The following TNS3 variants were observed in gnomAD, a reference collection of about 807,000 sequenced individuals.
TNS3 encodes tensin 3.
TNS3 carries 45 observed loss-of-function variants against 140.9 expected under a neutral mutation model. That is an observed-to-expected ratio of 0.32 (90% CI 0.25 to 0.41). TNS3 has a LOEUF of 0.41. Among genes scored for constraint, TNS3 ranks in the 10% least tolerant of loss-of-function variants. The pLI, the probability that TNS3 is intolerant of heterozygous loss-of-function variation, is 1.00. For missense variants in TNS3, 1,716 were observed against 1,906.7 expected (o/e 0.90, Z 1.86); for synonymous variants, 815 against 788.4 (o/e 1.03, Z -0.56).
At chr7:47,570,352 G>A (rs866952549) in intron 1 of TNS3, among the ~76,000 whole-genome samples, 14 of 152,306 alleles carry the variant, frequency 9.2e-5, no homozygotes, top group South Asian at 4.1e-4. Context: ...TCACAGCTCC[G>A]TAGGTGCAAC....
At chr7:47,463,395 G>C (rs1415048095) in intron 4 of TNS3, among the ~76,000 whole-genome samples, 2 of 152,186 alleles carry the variant, frequency 1.3e-5, no homozygotes, top group African/African-American at 2.4e-5. Context: ...AGTGAACCGA[G>C]ATCATGCCAC....
rs1412968530 is a variant in TNS3 at position 47,529,142 on chromosome 7, T to C, written c.-259A>G. The C allele has an allele frequency of 2.4e-6, 3 of 1,272,252 alleles. No individual in the cohort carries two copies. In the South Asian group the frequency reaches 3.9e-5, roughly 17 times the overall value. 78.8% of individuals were successfully genotyped at this position (1,272,252 alleles called of 1,614,324 possible). On this transcript the variant is annotated 5_prime_UTR_variant, in exon 2 of 31. Coordinates refer to ENST00000311160, the MANE Select transcript of TNS3 (RefSeq NM_022748.12). ...AAGCGTGCAGACTCGAGGTTAATTCTTCCGGCTGAAAAAGTAAAGGAAGAA... is the reference window on the plus strand; with the variant it reads ...AAGCGTGCAGACTCGAGGTTAATTCCTCCGGCTGAAAAAGTAAAGGAAGAA...
At chr7:47,443,239 G>A (rs192668482) in intron 4 of TNS3, among the ~76,000 whole-genome samples, 9 of 152,304 alleles carry the variant, frequency 5.9e-5, no homozygotes, top group Non-Finnish European at 1.3e-4. Context: ...CCAGTCTCAT[G>A]GAGCTGTCCA....
rs753325258 is a variant in TNS3 at position 47,276,569 on chromosome 7, G to A, written c.*1507C>T. 8 of 152,236 alleles carry A rather than the reference G, an allele frequency of 5.3e-5. No individual in the cohort carries two copies. Among genetic ancestry groups the A allele is most frequent in the Admixed American group, 1.3e-4 (2 of 15,284 alleles). The allele number at this position is 152,236 out of a possible 1,614,324, so 9.4% of individuals were successfully genotyped here. A position where few individuals can be genotyped will look rare whatever the true frequency, so the allele number is the denominator to read the frequency against. ...AGTCAGCATGCCTGCAGAGCACCTA[G>A]GCTGTGAGAGGATGGGGCCAAGGCC... is the stretch of plus-strand genomic sequence containing the variant. On this transcript the variant is annotated 3_prime_UTR_variant, in exon 31 of 31. Transcript: ENST00000311160.
chr7:47,283,886 C>A, intron 27 of TNS3, 21 bp from the exon 28 acceptor site: 1 of 1,551,472 alleles, frequency 6.4e-7, no homozygotes, highest in Non-Finnish European at 8.7e-7. Flanking sequence ...CCAAGGGAGA[C>A]ACATGTTAGT....
At chr7:47,378,415 G>A (rs2151205067) in intron 16 of TNS3, among the ~76,000 whole-genome samples, 1 of 152,300 alleles carries the variant, frequency 6.6e-6, no homozygotes, top group Non-Finnish European at 1.5e-5. Flanking sequence ...AGTTCCCTAA[G>A]TCATTTTTTG....
chr7:47,506,813 T>G, intron 3 of TNS3, 94 bp downstream of exon 3: 1 of 974,396 alleles, frequency 1.0e-6, no homozygotes, highest in Admixed American at 2.9e-5. Flanking sequence ...TTTCTTTCCG[T>G]GGCTGCAGTC....
At chr7:47,462,170 C>G (rs1796516588) in intron 4 of TNS3, among the ~76,000 whole-genome samples, 1 of 152,218 alleles carries the variant, frequency 6.6e-6, no homozygotes. Flanking sequence ...CTTTAAATGA[C>G]AGATTCTGCC....
Position 47,297,076 on chromosome 7 carries a change from C to G in TNS3, c.3676+6G>C, listed in dbSNP as rs745646970. The G allele has an allele frequency of 3.1e-6, 5 of 1,614,050 alleles. No homozygotes were observed. Among genetic ancestry groups the G allele is most frequent in the Non-Finnish European group, 4.2e-6 (5 of 1,180,018 alleles). ...TGAACAGATCAATAGGGAGCAGTAA[C>G]CTTACCTTTCTTGTTCAGCTGCAGG... On this transcript the variant is annotated splice_donor_region_variant and intron_variant, in intron 24 of 30. Coordinates refer to ENST00000311160, the MANE Select transcript of TNS3 (RefSeq NM_022748.12).
intron 1 of TNS3, among the ~76,000 whole-genome samples, chr7:47,559,346 T>C (rs898671072): frequency 4.6e-5 from 7 of 152,004 alleles, no homozygotes; most frequent in Non-Finnish European, 1.0e-4. Context: ...CAAAACTCCA[T>C]CTCACAAAAA....
intron 4 of TNS3, among the ~76,000 whole-genome samples, chr7:47,447,707 T>C (rs1795817094): frequency 6.6e-6 from 1 of 152,132 alleles, no homozygotes; most frequent in African/African-American, 2.4e-5. Flanking sequence ...CAGTGCGCTA[T>C]CCTAGCACAC....
At chr7:47,411,619 T>C in intron 13 of TNS3, 108 bp downstream of exon 13, 1 of 1,214,860 alleles carries the variant, frequency 8.2e-7, no homozygotes, top group Non-Finnish European at 1.1e-6. Context: ...TACAGGGTAC[T>C]TTTTTTGGGG....
chr7:47,361,340 A>T (rs889523713), intron 17 of TNS3, among the ~76,000 whole-genome samples: 1 of 150,274 alleles, frequency 6.7e-6, no homozygotes, highest in East Asian at 1.9e-4. Flanking sequence ...CTCCAGCCTC[A>T]CTCCCCAGCA....
At chr7:47,332,316 G>C (rs1484068402) in intron 20 of TNS3, among the ~76,000 whole-genome samples, 1 of 152,250 alleles carries the variant, frequency 6.6e-6, no homozygotes, top group Non-Finnish European at 1.5e-5. Flanking sequence ...CCAGGTAAAT[G>C]CTTCCAGCAG....
At chr7:47,348,431 G>A (rs1268335916) in intron 17 of TNS3, among the ~76,000 whole-genome samples, 1 of 152,192 alleles carries the variant, frequency 6.6e-6, no homozygotes, top group Non-Finnish European at 1.5e-5. Context: ...AACTTCAGAG[G>A]TCACTTCTAG....
At chr7:47,480,184 G>A (rs1016628036) in intron 4 of TNS3, among the ~76,000 whole-genome samples, 4 of 152,212 alleles carry the variant, frequency 2.6e-5, no homozygotes, top group African/African-American at 9.6e-5. Context: ...CCAAATCTCC[G>A]GCAGAACACC....
chr7:47,448,068 C>T (rs1300756279), intron 4 of TNS3, among the ~76,000 whole-genome samples: 1 of 152,200 alleles, frequency 6.6e-6, no homozygotes, highest in Non-Finnish European at 1.5e-5. Context: ...CTGAAAGGGC[C>T]ACTGGAGATT....
At chr7:47,493,018 T>C (rs1462039779) in intron 3 of TNS3, among the ~76,000 whole-genome samples, 1 of 152,234 alleles carries the variant, frequency 6.6e-6, no homozygotes, top group Non-Finnish European at 1.5e-5. Context: ...GGTTTCCATA[T>C]GAAATCAATA....
At chr7:47,405,875 G>A (rs1239261841) in intron 13 of TNS3, among the ~76,000 whole-genome samples, 1 of 152,120 alleles carries the variant, frequency 6.6e-6, no homozygotes, top group Non-Finnish European at 1.5e-5. Context: ...GGTCACTGGA[G>A]CGAGGTTCTA....
Sources: allele counts gnomAD v4.1 joint callset (sites outside exome capture counted in the v4.1 genomes callset), GRCh38; gene constraint gnomAD v4.1.1; transcripts MANE v1.5; gene names NCBI Gene and HGNC (gene_info 2026-07-23, HGNC 2026-07-21).